The following NEBL variants were observed in gnomAD, a reference collection of about 807,000 sequenced individuals.
The protein encoded by NEBL is LIM and SH3 protein 2.
In NEBL, 122 loss-of-function variants were observed where a neutral mutation model predicts 140.2. That is an observed-to-expected ratio of 0.87 (90% CI 0.75 to 1.01). NEBL has a LOEUF of 1.01. NEBL is among the 50% of genes least tolerant of loss of function. The pLI is 0.00. For missense variants in NEBL, 1,365 were observed against 1,231.3 expected, an observed-to-expected ratio of 1.11 and a Z score of -1.62; for synonymous variants, 436 against 398.9, an observed-to-expected ratio of 1.09 and a Z score of -1.11.
rs571363034 is a variant in NEBL at position 20,886,188 on chromosome 10, T to A, written c.369+1909A>T. ...CATGTACCCCAGAACTTAAAAAAAATTTTTTTTAATAAGATTATCTAGGTA... is the reference window on the plus strand; with the variant it reads ...CATGTACCCCAGAACTTAAAAAAAAATTTTTTTAATAAGATTATCTAGGTA... On this transcript the variant is annotated intron_variant, in intron 4 of 27. Coordinates refer to ENST00000377122, the MANE Select transcript of NEBL (RefSeq NM_006393.3). Among the ~76,000 whole-genome samples the A allele has an allele frequency of 1.5e-3, 215 of 146,436 alleles. 2 individuals are homozygous for A. The highest frequency in any genetic ancestry group is 1.5e-3 in the African/African-American group (56 of 36,288).
At chr10:21,107,690 G>T (rs144532549) in intron 2 of NEBL, among the ~76,000 whole-genome samples, 2,179 of 152,290 alleles carry the variant, frequency 0.014, 48 homozygotes, top group African/African-American at 0.049. Flanking sequence ...CATAAAATGA[G>T]TTAGGGAGGA....
intron 1 of NEBL, among the ~76,000 whole-genome samples, chr10:21,271,751 C>T (rs948912915): frequency 4.0e-5 from 6 of 151,744 alleles, no homozygotes; most frequent in African/African-American, 1.4e-4. Flanking sequence ...GTCTTGAGCT[C>T]CTCGCCTCAA....
intron 1 of NEBL, among the ~76,000 whole-genome samples, chr10:21,289,072 C>T (rs969005707): frequency 6.6e-6 from 1 of 151,440 alleles, no homozygotes; most frequent in Non-Finnish European, 1.5e-5. Flanking sequence ...TGGTCTTGAA[C>T]TCCTGATCTC....
chr10:21,212,045 G>T (rs1841925995), intron 3 of NEBL, among the ~76,000 whole-genome samples: 1 of 151,520 alleles, frequency 6.6e-6, no homozygotes, highest in African/African-American at 2.4e-5. Context: ...ATATGTAAAT[G>T]TTATGCATAT....
At chr10:20,874,124 T>G (rs1479792664) in intron 5 of NEBL, among the ~76,000 whole-genome samples, 1 of 152,236 alleles carries the variant, frequency 6.6e-6, no homozygotes, top group Non-Finnish European at 1.5e-5. Flanking sequence ...GATCTCTTCC[T>G]CTTAGCTTCT....
chr10:20,795,349 G>C (rs528938451), intron 26 of NEBL, among the ~76,000 whole-genome samples: 23 of 152,278 alleles, frequency 1.5e-4, no homozygotes, highest in African/African-American at 5.5e-4. Flanking sequence ...TATATGTGTG[G>C]TAAACATCCA....
At chr10:20,921,619 C>T (rs1589015345) in intron 4 of NEBL, among the ~76,000 whole-genome samples, 1 of 152,298 alleles carries the variant, frequency 6.6e-6, no homozygotes, top group East Asian at 1.9e-4. Flanking sequence ...GGGCACCTCA[C>T]TATCCCTTGC....
In NEBL at chr10:20,896,483, CATATATATATATATATATATAT is replaced by C. The variant is rs57289458; in HGVS notation, c.153+453_153+474del. 3.8e-3 allele frequency among the ~76,000 whole-genome samples: 336 copies of C among 88,094 alleles called. 6 individuals are homozygous for C. Among genetic ancestry groups the C allele is most frequent in the African/African-American group, 4.9e-3 (113 of 23,260 alleles). 57.8% of individuals were successfully genotyped at this position (88,094 alleles called of 152,430 possible). A position where few individuals can be genotyped will look rare whatever the true frequency, so the allele number is the denominator to read the frequency against. On this transcript the variant is annotated intron_variant, in intron 2 of 27. Transcript: ENST00000377122. ...CTGAATTGTAAATAAATATTATATGCATATATATATATATATATATATATATATATATATGCATTTTCCTGTT... is the reference window on the plus strand; with the variant it reads ...CTGAATTGTAAATAAATATTATATGCATATATATATATGCATTTTCCTGTT...
rs114725202 is a variant in NEBL at position 20,975,697 on chromosome 10, G to A, written c.250-13918C>T. Among the ~76,000 whole-genome samples the A allele has an allele frequency of 1.9e-3, 291 of 152,234 alleles. 2 individuals are homozygous for A. Among genetic ancestry groups the A allele is most frequent in the African/African-American group, 6.7e-3 (280 of 41,532 alleles). On this transcript the variant is annotated intron_variant, in intron 3 of 6. Coordinates refer to the NEBL transcript ENST00000417816. ...TACAAAACAAGGTGGCAAAAGACTG[G>A]AAGCCTGCCTCCAACTCCAGCATCT...
intron 23 of NEBL, 34 bp downstream of exon 23, chr10:20,813,905 A>C (rs1838421655): frequency 7.5e-7 from 1 of 1,341,796 alleles, no homozygotes; most frequent in Admixed American, 1.7e-5. Context: ...CCCATTCCTT[A>C]GCATGTTTTA....
chr10:20,878,078 A>G (rs1345065139), intron 5 of NEBL, among the ~76,000 whole-genome samples: 1 of 152,114 alleles, frequency 6.6e-6, no homozygotes, highest in Non-Finnish European at 1.5e-5. Flanking sequence ...TACTGTTTGG[A>G]GATCATTTAA....
At chr10:20,928,026 C>T (rs1833998306) in intron 4 of NEBL, among the ~76,000 whole-genome samples, 1 of 152,128 alleles carries the variant, frequency 6.6e-6, no homozygotes, top group South Asian at 2.1e-4. Context: ...ATATTTTTAA[C>T]TCAGCAGATC....
At position 21,050,598 on chromosome 10, in the gene NEBL, G is replaced by C. The variant is rs142953403; in HGVS notation, c.165-30397C>G. Among the ~76,000 whole-genome samples, 310 of 152,350 alleles carry C rather than the reference G, an allele frequency of 2.0e-3. 1 individual carries two copies. Among genetic ancestry groups the C allele is most frequent in the African/African-American group, 7.1e-3 (295 of 41,582 alleles). On this transcript the variant is annotated intron_variant, in intron 2 of 6. Coordinates refer to the NEBL transcript ENST00000417816. The stretch of plus-strand genomic sequence containing the variant: ...AGCAGTAAAGCAAAATAAAGAAAGT[G>C]AGGAACGGGTGCAGCGTGGGCGTTT...
chr10:20,813,609 T>C, intron 23 of NEBL: 1 of 238,562 alleles, frequency 4.2e-6, no homozygotes, highest in South Asian at 7.0e-5. Context: ...CACACTTCTT[T>C]TCATATCCTT....
intron 1 of NEBL, among the ~76,000 whole-genome samples, chr10:21,254,429 G>A (rs745706059): frequency 2.6e-5 from 4 of 151,930 alleles, no homozygotes; most frequent in Non-Finnish European, 5.9e-5. Context: ...GCCCAATAAT[G>A]TAATTGTTTA....
rs776828212 is a variant in NEBL at position 20,888,091 on chromosome 10, C to A, written c.369+6G>T. 4 of 1,577,402 alleles carry A rather than the reference C, an allele frequency of 2.5e-6. No homozygotes were observed. Among genetic ancestry groups the A allele is most frequent in the Non-Finnish European group, 3.5e-6 (4 of 1,146,692 alleles). On this transcript the variant is annotated splice_donor_region_variant and intron_variant, in intron 4 of 27. Transcript: ENST00000377122. Reference sequence around the variant, plus strand: ...AAAATCATGAAACACTTTAGAAAAACCCTACCTCACTCTGGAGCTGTGTAA... The same window carrying A: ...AAAATCATGAAACACTTTAGAAAAAACCTACCTCACTCTGGAGCTGTGTAA...
chr10:20,950,884 A>G (rs1486967100), intron 4 of NEBL, among the ~76,000 whole-genome samples: 1 of 152,156 alleles, frequency 6.6e-6, no homozygotes, highest in East Asian at 1.9e-4. Flanking sequence ...CTAAATCCAT[A>G]CTCTCTTTCC....
chr10:20,793,863 T>C (rs1398614675), intron 26 of NEBL, among the ~76,000 whole-genome samples: 5 of 152,166 alleles, frequency 3.3e-5, no homozygotes, highest in African/African-American at 9.7e-5. Context: ...GCTGGTGTCT[T>C]GTTTTTTCAA....
At position 21,074,639 on chromosome 10, in the gene NEBL, G is replaced by A. The variant is rs531501728; in HGVS notation, c.165-54438C>T. On this transcript the variant is annotated intron_variant, in intron 2 of 6. Transcript: ENST00000417816. ...ACTGCAGGTGCACACCACCAAGCTC[G>A]GCTAATTTTTTTGTACTTTCAGTAG... is the stretch of plus-strand genomic sequence containing the variant. Among the ~76,000 whole-genome samples, 23 of 151,796 alleles carry A rather than the reference G, an allele frequency of 1.5e-4. No homozygotes were observed. The South Asian group carries it at 2.7e-3, about 18-fold the overall frequency.
Sources: allele counts gnomAD v4.1 joint callset (sites outside exome capture counted in the v4.1 genomes callset), GRCh38; gene constraint gnomAD v4.1.1; transcripts MANE v1.5; gene names NCBI Gene and HGNC (gene_info 2026-07-23, HGNC 2026-07-21).